DLEU7: variants seen among roughly 807,000 people sequenced by gnomAD.
The protein encoded by DLEU7 is deleted in lymphocytic leukemia 7.
Under a neutral mutation model 16.0 loss-of-function variants are expected in DLEU7, and 17 were observed. That is an observed-to-expected ratio of 1.06 (90% CI 0.73 to 1.59). The LOEUF (loss-of-function observed/expected upper bound fraction) is 1.59, where lower values mean the gene tolerates loss of function less well. Ranked by LOEUF, DLEU7 falls within the 40% of genes most tolerant of loss-of-function variation. The probability of loss-of-function intolerance (pLI) is 0.00; values close to 1 mark genes in which losing one functional copy is unlikely to be tolerated. For synonymous variants in DLEU7, 113 were observed against 139.8 expected (o/e 0.81, Z 1.35); for missense variants, 308 against 314.9 (o/e 0.98, Z 0.17).
At position 50,726,413 on chromosome 13, in the gene DLEU7, C is replaced by T. The variant is rs76085749; in HGVS notation, c.460-13173G>A. On this transcript the variant is annotated intron_variant, in intron 1 of 1. Coordinates refer to the DLEU7 transcript ENST00000400393. The surrounding 1 kb of genome is among the most constrained non-coding windows in gnomAD (Gnocchi z 4.0). Reference sequence around the variant, plus strand: ...GCCTGCAACAGCCACCTGACTTTCCCGCCTCCTCCTTTCACGGAACACAGG... The same window carrying T: ...GCCTGCAACAGCCACCTGACTTTCCTGCCTCCTCCTTTCACGGAACACAGG... Among the ~76,000 whole-genome samples, 387 of 152,316 alleles carry T rather than the reference C, an allele frequency of 2.5e-3. 3 individuals are homozygous for T. Among genetic ancestry groups the T allele is most frequent in the East Asian group, 0.018 (96 of 5,190 alleles).
intron 1 of DLEU7, among the ~76,000 whole-genome samples, chr13:50,776,868 G>A (rs1566248154): frequency 1.3e-5 from 2 of 152,132 alleles, no homozygotes. Flanking sequence ...ATCAAATAAT[G>A]GTTTTAAACA....
At chr13:50,839,313 C>T (rs1160014814) in intron 1 of DLEU7, among the ~76,000 whole-genome samples, 1 of 152,238 alleles carries the variant, frequency 6.6e-6, no homozygotes, top group Non-Finnish European at 1.5e-5. Flanking sequence ...TAAACCTAGT[C>T]TCTGCAGCAA....
intron 1 of DLEU7, among the ~76,000 whole-genome samples, chr13:50,767,451 G>A (rs1477432683): frequency 6.3e-5 from 5 of 79,760 alleles, no homozygotes; most frequent in Admixed American, 1.8e-4. Flanking sequence ...GCGAGACTCC[G>A]TCTCAAAAAA....
chr13:50,759,364 A>G (rs1273985725), intron 1 of DLEU7, among the ~76,000 whole-genome samples: 2 of 152,194 alleles, frequency 1.3e-5, no homozygotes, highest in Non-Finnish European at 2.9e-5. Flanking sequence ...GATCCCAATG[A>G]TCTCTTAGGC....
chr13:50,830,606 G>C (rs1364089276), intron 1 of DLEU7, among the ~76,000 whole-genome samples: 1 of 152,156 alleles, frequency 6.6e-6, no homozygotes, highest in East Asian at 1.9e-4. Flanking sequence ...GGTTTTTATT[G>C]TTCAAAATTC....
chr13:50,774,676 A>G (rs3906107), intron 1 of DLEU7, among the ~76,000 whole-genome samples: 32,250 of 151,398 alleles, frequency 0.21, 3,548 homozygotes, highest in Middle Eastern at 0.35. Flanking sequence ...TATAGTTGCA[A>G]TTTTTTTTCT....
At chr13:50,811,608 C>T (rs1003696996) in intron 1 of DLEU7, among the ~76,000 whole-genome samples, 4 of 152,152 alleles carry the variant, frequency 2.6e-5, no homozygotes, top group Non-Finnish European at 5.9e-5. Context: ...AGCATTGAGG[C>T]TCCCTTCCTA....
At chr13:50,752,177 T>TA (rs1412719378) in intron 1 of DLEU7, among the ~76,000 whole-genome samples, 6 of 151,194 alleles carry the variant, frequency 4.0e-5, no homozygotes, top group Admixed American at 2.6e-4. Context: ...TCAGCCTCCC[T>TA]AGTAGCTGGG....
In DLEU7 at chr13:50,823,213, G is replaced by C. The variant is rs1009807111; in HGVS notation, c.*101C>G. The C allele has an allele frequency of 1.4e-4, 210 of 1,496,540 alleles. No individual in the cohort carries two copies. The highest frequency in any genetic ancestry group is 5.3e-4 in the Admixed American group (26 of 49,066). 92.7% of individuals were successfully genotyped at this position (1,496,540 alleles called of 1,614,324 possible). A position where few individuals can be genotyped will look rare whatever the true frequency, so the allele number is the denominator to read the frequency against. On this transcript the variant is annotated 3_prime_UTR_variant, in exon 2 of 2. Coordinates refer to ENST00000504404, the MANE Select transcript of DLEU7 (RefSeq NM_001306135.2). ...CGTACCATCAAGTCTTTCCCCTTTG[G>C]ATATAAAAATATCCATTGTCTGCTG... is the stretch of plus-strand genomic sequence containing the variant.
At chr13:50,772,386 T>C (rs145621049) in intron 1 of DLEU7, among the ~76,000 whole-genome samples, 2,531 of 152,326 alleles carry the variant, frequency 0.017, 73 homozygotes, top group African/African-American at 0.057. Flanking sequence ...TTTGGCATGT[T>C]TTTGCAGTGG....
At chr13:50,778,757 A>G (rs1049420003) in intron 1 of DLEU7, among the ~76,000 whole-genome samples, 2 of 152,240 alleles carry the variant, frequency 1.3e-5, no homozygotes, top group Non-Finnish European at 2.9e-5. Flanking sequence ...TCTGGGCAAA[A>G]TAAAACATGT....
chr13:50,721,767 C>G (rs1413734280), intron 1 of DLEU7, among the ~76,000 whole-genome samples: 1 of 152,114 alleles, frequency 6.6e-6, no homozygotes, highest in African/African-American at 2.4e-5. Context: ...ACTAGAAAGT[C>G]TAGGCATGGG....
downstream of DLEU7, among the ~76,000 whole-genome samples, chr13:50,818,350 T>C (rs1357138933): frequency 6.6e-6 from 1 of 152,172 alleles, no homozygotes; most frequent in Non-Finnish European, 1.5e-5. Flanking sequence ...TATTGAGTGA[T>C]TGCTACATGA....
At chr13:50,770,423 C>G (rs1247701047) in intron 1 of DLEU7, among the ~76,000 whole-genome samples, 1 of 152,038 alleles carries the variant, frequency 6.6e-6, no homozygotes, top group Non-Finnish European at 1.5e-5. Flanking sequence ...ATAAATAGCT[C>G]TTATTACTTT....
chr13:50,733,620 C>T (rs568966307), intron 1 of DLEU7, among the ~76,000 whole-genome samples: 2 of 152,320 alleles, frequency 1.3e-5, no homozygotes, highest in Admixed American at 1.3e-4. Context: ...CACACCCACA[C>T]ACACACATTT....
intron 1 of DLEU7, among the ~76,000 whole-genome samples, chr13:50,836,817 C>T (rs1347380949): frequency 6.6e-6 from 1 of 152,194 alleles, no homozygotes; most frequent in Non-Finnish European, 1.5e-5. Context: ...GTGCTGGGCC[C>T]AACAAAAGAA....
chr13:50,787,269 C>G (rs1875813919), intron 1 of DLEU7, among the ~76,000 whole-genome samples: 1 of 152,180 alleles, frequency 6.6e-6, no homozygotes, highest in Non-Finnish European at 1.5e-5. Context: ...GGATTTAAAA[C>G]ACAAAGCTCA....
chr13:50,817,330 T>C (rs1028566369), intron 1 of DLEU7, among the ~76,000 whole-genome samples: 7 of 152,126 alleles, frequency 4.6e-5, no homozygotes, highest in African/African-American at 1.7e-4. Context: ...CCATTTCTAT[T>C]GAGCAAAGCA....
At chr13:50,763,035 A>G (rs1415279152) in intron 1 of DLEU7, among the ~76,000 whole-genome samples, 1 of 152,086 alleles carries the variant, frequency 6.6e-6, no homozygotes, top group East Asian at 1.9e-4. Flanking sequence ...AGGAAAGGAG[A>G]CAACACCAGA....
Sources: gnomAD v4.1 joint callset for allele counts (sites outside exome capture counted in the v4.1 genomes callset) on GRCh38, gnomAD v4.1.1 for gene constraint, Gnocchi (gnomAD v3.1) non-coding constraint, MANE v1.5 for transcripts, NCBI Gene and HGNC (gene_info 2026-07-23, HGNC 2026-07-21) for gene names.